Variants in ATP11A observed in about 807,000 individuals in gnomAD.
ATP11A encodes phospholipid-transporting ATPase IH.
Under a neutral mutation model 154.4 loss-of-function variants are expected in ATP11A, and 81 were observed. The ratio of observed to expected loss-of-function variants is 0.52; its 90% CI spans 0.44 to 0.63. The LOEUF is 0.63. ATP11A is among the 30% of genes least tolerant of loss of function. The pLI is 0.00. For missense variants in ATP11A, 1,316 were observed against 1,474.3 expected, an observed-to-expected ratio of 0.89 and a Z score of 1.76; for synonymous variants, 623 against 585.9, an observed-to-expected ratio of 1.06 and a Z score of -0.91.
chr13:112,770,102 C>G lies in ATP11A; in HGVS notation c.40-15033C>G, dbSNP rs551132738. On this transcript the variant is annotated intron_variant, in intron 1 of 29. Coordinates refer to ENST00000375645, the MANE Select transcript of ATP11A (RefSeq NM_015205.3). The stretch of plus-strand genomic sequence containing the variant: ...TCACCGGCTCTTTTCCTCTGTGTCT[C>G]GACTCTTAGGAAGCTCTGTGTTTCT... Among the ~76,000 whole-genome samples the G allele has an allele frequency of 1.0e-3, 154 of 152,296 alleles. 1 individual carries two copies. The highest frequency in any genetic ancestry group is 3.5e-3 in the African/African-American group (146 of 41,558).
In ATP11A at chr13:112,851,506, G is replaced by A. The variant is rs77325572; in HGVS notation, c.1991+288G>A. 5.1e-3 allele frequency: 1,400 copies of A among 276,558 alleles called. 21 individuals carry two copies. Among genetic ancestry groups the A allele is most frequent in the African/African-American group, 0.029 (1,324 of 46,380 alleles). The allele number at this position is 276,558 out of a possible 1,614,324, so 17.1% of individuals were successfully genotyped here. ...CATATTATGAACAGGCAAGATAGAA[G>A]GGCTCTTACAAATTCTTTCTTCTTT... On this transcript the variant is annotated intron_variant, in intron 18 of 29. Coordinates refer to ENST00000375645, the MANE Select transcript of ATP11A (RefSeq NM_015205.3).
rs2078948123 is a variant in ATP11A, at chr13:112,826,890, A to G, written c.1220A>G (p.Gln407Arg). The change falls in exon 12 of 30, where the codon CAG becomes CGG. Residue 407 changes from glutamine (Q) to arginine (R), a missense_variant and splice_region_variant. By Grantham distance (43) the Gln-to-Arg change is conservative. Transcript: ENST00000375645. ...TCGGACCTCAATGAAGAGCTGGGAC[A>G]GGTTGGTGTCTCCTGAGTCATCTGC... ...NTSDLNEELG[Q>R]VEYIFTDKTG... 1 of 1,614,068 alleles carries G rather than the reference A, an allele frequency of 6.2e-7. No homozygotes were observed. Among genetic ancestry groups the G allele is most frequent in the Admixed American group, 1.7e-5 (1 of 60,008 alleles).
intron 1 of ATP11A, among the ~76,000 whole-genome samples, chr13:112,775,833 C>T (rs1054337687): frequency 1.3e-5 from 2 of 152,186 alleles, no homozygotes; most frequent in African/African-American, 2.4e-5. Context: ...TGGCGCAGGG[C>T]GGGCGCGACT....
chr13:112,786,978 C>G (rs938638429), intron 2 of ATP11A, among the ~76,000 whole-genome samples: 1 of 145,038 alleles, frequency 6.9e-6, no homozygotes, highest in African/African-American at 2.6e-5. Context: ...TGTCCTGATG[C>G]GTAGACCCCT....
intron 4 of ATP11A, among the ~76,000 whole-genome samples, chr13:112,808,996 T>C (rs1036262188): frequency 2.0e-5 from 3 of 152,200 alleles, no homozygotes; most frequent in Admixed American, 6.5e-5. Context: ...CGCTAGGCTT[T>C]TCGGGGATCC....
At chr13:112,844,794 GTGTTAGTGGTA>G (rs2079530866) in intron 17 of ATP11A, among the ~76,000 whole-genome samples, 2 of 65,164 alleles carry the variant, frequency 3.1e-5, no homozygotes, top group East Asian at 5.2e-4. Flanking sequence ...CAGTTGCCGG[GTGTTAGTGGTA>G]CTAACCAGTC....
intron 25 of ATP11A, among the ~76,000 whole-genome samples, chr13:112,867,756 G>A (rs971925039): frequency 3.3e-5 from 5 of 152,290 alleles, no homozygotes; most frequent in African/African-American, 9.6e-5. Flanking sequence ...GTGCAGCCCC[G>A]GGGTGATGCC....
chr13:112,794,627 T>C (rs1182249480), intron 2 of ATP11A, among the ~76,000 whole-genome samples: 1 of 152,142 alleles, frequency 6.6e-6, no homozygotes, highest in Non-Finnish European at 1.5e-5. Context: ...CCCAGAACTT[T>C]GGGAGGCCGA....
chr13:112,773,815 C>T (rs887526031), intron 1 of ATP11A, among the ~76,000 whole-genome samples: 5 of 152,246 alleles, frequency 3.3e-5, no homozygotes, highest in African/African-American at 1.2e-4. Flanking sequence ...GTGGGTGACG[C>T]GCATCACGGG....
rs537644798 is a variant in ATP11A at position 112,769,821 on chromosome 13, C to T, written c.40-15314C>T. Among the ~76,000 whole-genome samples the T allele has an allele frequency of 3.3e-5, 5 of 152,338 alleles. No individual in the cohort carries two copies. The East Asian group carries it at 5.8e-4, about 18-fold the overall frequency. ...CGTGCTGAGGCCAGCCTCAGAGCCGCGGGGAAGCCAGGTCTGTCTGATCGC... is the reference window on the plus strand; with the variant it reads ...CGTGCTGAGGCCAGCCTCAGAGCCGTGGGGAAGCCAGGTCTGTCTGATCGC... On this transcript the variant is annotated intron_variant, in intron 1 of 29. Coordinates refer to ENST00000375645, the MANE Select transcript of ATP11A (RefSeq NM_015205.3).
At chr13:112,826,998 C>T in intron 12 of ATP11A, 107 bp downstream of exon 12, 2 of 1,150,872 alleles carry the variant, frequency 1.7e-6, no homozygotes, top group Middle Eastern at 2.3e-4. Flanking sequence ...GTACCTGTAG[C>T]TGGCGTAAGA....
chr13:112,713,823 C>A (rs1387167533), intron 1 of ATP11A, among the ~76,000 whole-genome samples: 1 of 152,044 alleles, frequency 6.6e-6, no homozygotes, highest in Admixed American at 6.5e-5. Flanking sequence ...TGTCAGGACG[C>A]AGGCAGGCAA....
At chr13:112,832,631 G>A (rs947997627) in intron 13 of ATP11A, among the ~76,000 whole-genome samples, 3 of 152,194 alleles carry the variant, frequency 2.0e-5, no homozygotes, top group Non-Finnish European at 2.9e-5. Flanking sequence ...CTGAACGCAC[G>A]CCCGTTTAGC....
At chr13:112,758,103 C>T (rs1422861729) in intron 1 of ATP11A, among the ~76,000 whole-genome samples, 11 of 152,236 alleles carry the variant, frequency 7.2e-5, no homozygotes, top group African/African-American at 1.2e-4. Context: ...TGCTCTGTTG[C>T]CAGGCTGGAG....
At chr13:112,880,011 G>C (rs1238567714) in intron 29 of ATP11A, among the ~76,000 whole-genome samples, 3 of 152,204 alleles carry the variant, frequency 2.0e-5, no homozygotes, top group Non-Finnish European at 4.4e-5. Context: ...CTGGGCGTTT[G>C]CCCATTCAGA....
chr13:112,725,330 G>A (rs1397270593), intron 1 of ATP11A, among the ~76,000 whole-genome samples: 1 of 152,142 alleles, frequency 6.6e-6, no homozygotes, highest in East Asian at 1.9e-4. Context: ...GGGAGCAGAC[G>A]AGGTATGGGC....
At chr13:112,843,530 C>T (rs1450622180) in intron 17 of ATP11A, among the ~76,000 whole-genome samples, 4 of 152,190 alleles carry the variant, frequency 2.6e-5, no homozygotes, top group Admixed American at 6.5e-5. Context: ...TCCAAAATGA[C>T]GCTGGCCAGA....
At chr13:112,826,626 G>A in intron 11 of ATP11A, 68 bp from the exon 12 acceptor site, 1 of 1,267,348 alleles carries the variant, frequency 7.9e-7, no homozygotes, top group Non-Finnish European at 1.2e-6. Flanking sequence ...TGAGGTGTTA[G>A]AGCAGCATGT....
chr13:112,877,009 C>T (rs1420818034), intron 28 of ATP11A, among the ~76,000 whole-genome samples: 3 of 152,232 alleles, frequency 2.0e-5, no homozygotes, highest in Non-Finnish European at 4.4e-5. Context: ...CAGTTCCCGG[C>T]ACTCCCTCCT....
Sources: allele counts gnomAD v4.1 joint callset (sites outside exome capture counted in the v4.1 genomes callset), GRCh38; gene constraint gnomAD v4.1.1; transcripts MANE v1.5; gene names NCBI Gene and HGNC (gene_info 2026-07-23, HGNC 2026-07-21).